DOT1L: variants seen among roughly 807,000 people sequenced by gnomAD.
DOT1L encodes histone-lysine N-methyltransferase, H3 lysine-79 specific.
Under a neutral mutation model 153.3 loss-of-function variants are expected in DOT1L, and 33 were observed. The ratio of observed to expected loss-of-function variants is 0.22; its 90% CI spans 0.16 to 0.29. The LOEUF (loss-of-function observed/expected upper bound fraction) is 0.29. Ranked by LOEUF, DOT1L falls within the 10% of genes least tolerant of loss-of-function variation. The pLI is 1.00. For missense variants in DOT1L, 1,847 were observed against 2,119.9 expected (o/e 0.87, Z 2.53); for synonymous variants, 1,135 against 965.1 (o/e 1.18, Z -3.26).
Position 2,184,543 on chromosome 19 carries a change from G to A in DOT1L, c.126-1312G>A, listed in dbSNP as rs547681018. Reference sequence around the variant, plus strand: ...AGGTCAAGAGGACTGGGGAGCAGAGGCCGAACCCCCATCCCTCCCTGACCC... The same window carrying A: ...AGGTCAAGAGGACTGGGGAGCAGAGACCGAACCCCCATCCCTCCCTGACCC... On this transcript the variant is annotated intron_variant, in intron 2 of 27. Transcript: ENST00000398665. 3.1e-3 allele frequency among the ~76,000 whole-genome samples: 469 copies of A among 152,240 alleles called. 4 individuals carry two copies. The highest frequency in any genetic ancestry group is 0.011 in the African/African-American group (443 of 41,530).
chr19:2,209,043 C>T lies in DOT1L; in HGVS notation c.1005+67C>T, dbSNP rs779589243. 1.7e-4 allele frequency: 270 copies of T among 1,554,162 alleles called. 1 individual carries two copies. Among genetic ancestry groups the T allele is most frequent in the Non-Finnish European group, 2.2e-4 (253 of 1,139,626 alleles). ...GCACTGATGTGGGGAAATGCAAAGC[C>T]GTGCGCAGCCGGGTTCAGGAGCCAC... On this transcript the variant is annotated intron_variant, in intron 12 of 27. Coordinates refer to ENST00000398665, the MANE Select transcript of DOT1L (RefSeq NM_032482.3).
At position 2,199,959 on chromosome 19, in the gene DOT1L, T is replaced by A. The variant is rs1486621198; in HGVS notation, c.707+20T>A. The A allele has an allele frequency of 6.2e-7, 1 of 1,613,344 alleles. No homozygotes were observed. The highest frequency in any genetic ancestry group is 8.5e-7 in the Non-Finnish European group (1 of 1,179,538). On this transcript the variant is annotated intron_variant, in intron 8 of 27. Transcript: ENST00000398665. ...CACGAGGTATGGCCAGCGTGGGGCA[T>A]GCAGGGCATGTGGGGTGTGCGCTCA...
chr19:2,173,705 C>G (rs1057054468), intron 1 of DOT1L, among the ~76,000 whole-genome samples: 1 of 152,190 alleles, frequency 6.6e-6, no homozygotes, highest in Non-Finnish European at 1.5e-5. Context: ...TCCCCCAGAC[C>G]CATAGATGCT....
intron 1 of DOT1L, among the ~76,000 whole-genome samples, 191 bp from the exon 2 acceptor site, chr19:2,180,522 G>A (rs2022182909): frequency 6.6e-6 from 1 of 152,180 alleles, no homozygotes; most frequent in Non-Finnish European, 1.5e-5. Context: ...CCCCGGCAAG[G>A]TCTGTGTTCC....
intron 7 of DOT1L, among the ~76,000 whole-genome samples, chr19:2,198,054 CCA>C (rs2023093039): frequency 6.6e-6 from 1 of 152,172 alleles, no homozygotes; most frequent in Non-Finnish European, 1.5e-5. Context: ...ATTTCAGACT[CCA>C]GAGGGAAGCA....
chr19:2,228,015 C>T (rs2024435072), intron 27 of DOT1L: 2 of 1,295,496 alleles, frequency 1.5e-6, no homozygotes, highest in African/African-American at 3.1e-5. Flanking sequence ...CGCCGCCTTG[C>T]CTCCTCCCCC....
chr19:2,228,021 C>T (rs748989414), intron 27 of DOT1L: 209 of 1,299,084 alleles, frequency 1.6e-4, no homozygotes, highest in Non-Finnish European at 2.0e-4. Context: ...CTTGCCTCCT[C>T]CCCCAACGCT....
chr19:2,196,968 C>T (rs987938767), intron 7 of DOT1L, among the ~76,000 whole-genome samples: 1 of 151,858 alleles, frequency 6.6e-6, no homozygotes, highest in African/African-American at 2.4e-5. Context: ...GGTTTCTGTT[C>T]CTCACCCCGT....
In DOT1L at chr19:2,193,484, C is replaced by T. The variant is rs150945778; in HGVS notation, c.494-205C>T. On this transcript the variant is annotated intron_variant, in intron 5 of 27. Coordinates refer to ENST00000398665, the MANE Select transcript of DOT1L (RefSeq NM_032482.3). The surrounding 1 kb of genome is among the most constrained non-coding windows in gnomAD (Gnocchi z 5.9). The stretch of plus-strand genomic sequence containing the variant: ...TCCATGGATGACGCGTTGTGATGAC[C>T]GTCCCCTCGTGGGGGCTCTGTCAGG... 5.0e-3 allele frequency among the ~76,000 whole-genome samples: 764 copies of T among 152,282 alleles called. 4 individuals are homozygous for T. The highest frequency in any genetic ancestry group is 8.0e-3 in the Non-Finnish European group (542 of 68,020).
intron 26 of DOT1L, among the ~76,000 whole-genome samples, chr19:2,225,697 C>T (rs562218942): frequency 2.8e-4 from 43 of 152,272 alleles, no homozygotes; most frequent in African/African-American, 9.9e-4. Context: ...TCCGCGCACA[C>T]GCCATGCTCT....
At chr19:2,188,480 G>GCCCCCCCCCCCCCCCCCC (rs375314788) in intron 3 of DOT1L, among the ~76,000 whole-genome samples, 1 of 66,996 alleles carries the variant, frequency 1.5e-5, no homozygotes, top group East Asian at 3.4e-4. Context: ...CCCAGCCGCC[G>GCCCCCCCCCCCCCCCCCC]CCCCCCCCCC....
intron 1 of DOT1L, among the ~76,000 whole-genome samples, chr19:2,173,368 GA>G (rs2021748923): frequency 6.6e-6 from 1 of 152,158 alleles, no homozygotes. Context: ...TTTGCTGCTG[GA>G]AAAAGAGGGT....
intron 26 of DOT1L, among the ~76,000 whole-genome samples, chr19:2,225,781 G>T (rs1483852667): frequency 6.6e-6 from 1 of 152,116 alleles, no homozygotes; most frequent in African/African-American, 2.4e-5. Flanking sequence ...CCTTCCCCCC[G>T]AGTGGTGCCT....
At chr19:2,219,920 T>G (rs2024048221) in intron 22 of DOT1L, among the ~76,000 whole-genome samples, 188 bp from the exon 23 acceptor site, 1 of 152,138 alleles carries the variant, frequency 6.6e-6, no homozygotes, top group Non-Finnish European at 1.5e-5. Flanking sequence ...CACCGCGCAC[T>G]CTCGCTGCGC....
chr19:2,214,657 G>A, intron 19 of DOT1L, 61 bp downstream of exon 19: 1 of 1,586,744 alleles, frequency 6.3e-7, no homozygotes, highest in South Asian at 1.1e-5. Flanking sequence ...GCCTCCCTGT[G>A]ACGTCGTTGA....
chr19:2,229,734 C>T, intron 27 of DOT1L, 51 bp from the exon 28 acceptor site: 1 of 1,611,934 alleles, frequency 6.2e-7, no homozygotes, highest in Non-Finnish European at 8.5e-7. Context: ...TTGGGCTCCC[C>T]CAGGCGCGAT....
chr19:2,218,137 GGA>G (rs1476481594), intron 22 of DOT1L, among the ~76,000 whole-genome samples: 1 of 152,234 alleles, frequency 6.6e-6, no homozygotes, highest in Non-Finnish European at 1.5e-5. Context: ...GTGTGCAAGT[GGA>G]GAGGGCCTCA....
In DOT1L at chr19:2,191,418, G is replaced by A. The variant is rs964657652; in HGVS notation, c.493+178G>A. 3.0e-6 allele frequency: 2 copies of A among 669,516 alleles called. No individual in the cohort carries two copies. Among genetic ancestry groups the A allele is most frequent in the Non-Finnish European group, 5.1e-6 (2 of 394,074 alleles). The allele number at this position is 669,516 out of a possible 1,614,324, so 41.5% of individuals were successfully genotyped here. ...GCCGTTCCTTTCCCCAGCCCTGACCGGGCTCCACCCAGAGGGGAGAAATCG... is the reference window on the plus strand; with the variant it reads ...GCCGTTCCTTTCCCCAGCCCTGACCAGGCTCCACCCAGAGGGGAGAAATCG... On this transcript the variant is annotated intron_variant, in intron 5 of 27. Coordinates refer to ENST00000398665, the MANE Select transcript of DOT1L (RefSeq NM_032482.3). This position sits in a 1 kb window ranked among gnomAD's most constrained non-coding sequence, Gnocchi z 6.8.
chr19:2,206,869 C>T (rs2023517512), intron 10 of DOT1L, 72 bp downstream of exon 10: 1 of 1,473,632 alleles, frequency 6.8e-7, no homozygotes, highest in South Asian at 1.1e-5. Context: ...ATTCCTAGGT[C>T]CCTCTTCCTT....
Sources: gnomAD v4.1 joint callset for allele counts (sites outside exome capture counted in the v4.1 genomes callset) on GRCh38, gnomAD v4.1.1 for gene constraint, Gnocchi (gnomAD v3.1) non-coding constraint, MANE v1.5 for transcripts, NCBI Gene and HGNC (gene_info 2026-07-23, HGNC 2026-07-21) for gene names.